LRRC4C: variants seen among roughly 807,000 people sequenced by gnomAD.
LRRC4C encodes leucine-rich repeat-containing protein 4C.
LRRC4C carries 5 observed loss-of-function variants against 33.6 expected under a neutral mutation model. The ratio of observed to expected loss-of-function variants is 0.15; its 90% CI spans 0.08 to 0.31. LRRC4C has a LOEUF of 0.31. LRRC4C is among the 10% of genes least tolerant of loss of function. The pLI is 1.00. For synonymous variants in LRRC4C, 329 were observed against 302.0 expected, an observed-to-expected ratio of 1.09 and a Z score of -0.93; for missense variants, 560 against 796.7, an observed-to-expected ratio of 0.70 and a Z score of 3.58.
chr11:40,768,052 G>A (rs986630741), intron 2 of LRRC4C, among the ~76,000 whole-genome samples: 2 of 151,810 alleles, frequency 1.3e-5, no homozygotes, highest in Non-Finnish European at 2.9e-5. Context: ...TTAATGGAAA[G>A]ATAAACAGAA....
intron 2 of LRRC4C, among the ~76,000 whole-genome samples, chr11:40,763,744 C>T (rs540775260): frequency 6.6e-6 from 1 of 152,264 alleles, no homozygotes; most frequent in East Asian, 1.9e-4. Flanking sequence ...TGAGCCAGAG[C>T]TCAAGGGGGG....
chr11:40,775,254 C>CA (rs1190004432), intron 2 of LRRC4C, among the ~76,000 whole-genome samples: 5 of 151,734 alleles, frequency 3.3e-5, no homozygotes, highest in Admixed American at 6.6e-5. Flanking sequence ...ACTAAAAATA[C>CA]AAAAAATTAG....
chr11:40,759,773 A>G (rs950005423), intron 2 of LRRC4C, among the ~76,000 whole-genome samples: 4 of 151,998 alleles, frequency 2.6e-5, no homozygotes, highest in African/African-American at 4.8e-5. Context: ...TAATCTTTAT[A>G]CATTTTTCCC....
intron 1 of LRRC4C, among the ~76,000 whole-genome samples, chr11:41,102,490 T>G (rs1466555730): frequency 6.6e-6 from 1 of 152,020 alleles, no homozygotes; most frequent in Non-Finnish European, 1.5e-5. Context: ...GTATATTCTC[T>G]CCAATAAAAA....
chr11:40,874,524 T>A (rs905626302), intron 2 of LRRC4C, among the ~76,000 whole-genome samples: 3 of 152,186 alleles, frequency 2.0e-5, no homozygotes, highest in Admixed American at 1.3e-4. Flanking sequence ...ACATCATGCC[T>A]CCCACTTTGG....
intron 1 of LRRC4C, among the ~76,000 whole-genome samples, chr11:41,078,865 C>T (rs112447382): frequency 5.6e-4 from 85 of 152,224 alleles, no homozygotes; most frequent in Admixed American, 2.7e-3. Context: ...GTGAATTTTT[C>T]GCCACCTCAA....
At chr11:41,267,879 TG>T (rs1170037375) in intron 1 of LRRC4C, among the ~76,000 whole-genome samples, 2 of 152,118 alleles carry the variant, frequency 1.3e-5, no homozygotes, top group African/African-American at 2.4e-5. Context: ...TTAGCTTTTT[TG>T]TTTAGTATGA....
At chr11:40,483,543 CT>C (rs1362751187) in intron 3 of LRRC4C, among the ~76,000 whole-genome samples, 2 of 151,912 alleles carry the variant, frequency 1.3e-5, no homozygotes, top group East Asian at 3.9e-4. Flanking sequence ...TGGAAATATT[CT>C]GAATAAAAGT....
chr11:40,969,813 C>A (rs573016188), intron 1 of LRRC4C, among the ~76,000 whole-genome samples: 18 of 152,236 alleles, frequency 1.2e-4, no homozygotes, highest in African/African-American at 4.1e-4. Flanking sequence ...GCTTTATTTG[C>A]AGTGACCTGG....
intron 1 of LRRC4C, among the ~76,000 whole-genome samples, chr11:41,255,569 C>A (rs984583051): frequency 1.3e-5 from 2 of 151,918 alleles, no homozygotes; most frequent in Non-Finnish European, 2.9e-5. Flanking sequence ...ATGTACCAGG[C>A]AGCATGTTGC....
intron 3 of LRRC4C, among the ~76,000 whole-genome samples, chr11:40,490,988 T>C (rs1954120107): frequency 6.6e-6 from 1 of 152,028 alleles, no homozygotes. Context: ...TTTTCTGTTA[T>C]AAAAATGTGT....
At chr11:40,989,779 G>A (rs1455067167) in intron 1 of LRRC4C, among the ~76,000 whole-genome samples, 1 of 151,882 alleles carries the variant, frequency 6.6e-6, no homozygotes, top group African/African-American at 2.4e-5. Context: ...GAGAATCTTA[G>A]CATTTAATGT....
At chr11:40,545,727 G>C (rs985054025) in intron 3 of LRRC4C, among the ~76,000 whole-genome samples, 2 of 151,944 alleles carry the variant, frequency 1.3e-5, no homozygotes, top group Non-Finnish European at 2.9e-5. Context: ...TGACAATAAA[G>C]GGAGAGATAC....
chr11:40,807,290 C>G (rs1272374412), intron 2 of LRRC4C, among the ~76,000 whole-genome samples: 1 of 152,196 alleles, frequency 6.6e-6, no homozygotes, highest in African/African-American at 2.4e-5. Flanking sequence ...CCTGTTGGTG[C>G]TACTAGTCCT....
chr11:40,495,898 C>G (rs185322711), intron 3 of LRRC4C, among the ~76,000 whole-genome samples: 183 of 133,098 alleles, frequency 1.4e-3, no homozygotes, highest in African/African-American at 5.1e-3. Flanking sequence ...GATGCGATCT[C>G]AGCTCACTAC....
At chr11:41,350,235 G>T (rs1334564753) in intron 1 of LRRC4C, among the ~76,000 whole-genome samples, 1 of 152,188 alleles carries the variant, frequency 6.6e-6, no homozygotes, top group Non-Finnish European at 1.5e-5. Flanking sequence ...TTTTCGTCAG[G>T]TGCAGTGGCT....
At chr11:40,340,189 T>A (rs1259603925) in intron 3 of LRRC4C, among the ~76,000 whole-genome samples, 1 of 152,152 alleles carries the variant, frequency 6.6e-6, no homozygotes, top group Non-Finnish European at 1.5e-5. Flanking sequence ...TTTTCCAGCA[T>A]ACAAAAACTA....
intron 1 of LRRC4C, among the ~76,000 whole-genome samples, chr11:41,351,843 A>C (rs532464412): frequency 2.6e-5 from 4 of 152,232 alleles, no homozygotes; most frequent in Non-Finnish European, 4.4e-5. Flanking sequence ...GTTTGTTACC[A>C]TCAGACCTGC....
At chr11:40,710,040 A>G (rs1266046698) in intron 2 of LRRC4C, among the ~76,000 whole-genome samples, 1 of 152,110 alleles carries the variant, frequency 6.6e-6, no homozygotes, top group Admixed American at 6.5e-5. Flanking sequence ...CAGCTCCATC[A>G]GGTCATTTAA....
Sources: gnomAD v4.1 joint callset for allele counts (sites outside exome capture counted in the v4.1 genomes callset) on GRCh38, gnomAD v4.1.1 for gene constraint, MANE v1.5 for transcripts, NCBI Gene and HGNC (gene_info 2026-07-23, HGNC 2026-07-21) for gene names.